LUZP2: variants seen among roughly 807,000 people sequenced by gnomAD.
LUZP2 encodes the protein leucine zipper protein 2.
Under a neutral mutation model 51.6 loss-of-function variants are expected in LUZP2, and 52 were observed. The observed-to-expected ratio is 1.01, with a 90% confidence interval of 0.81 to 1.27. LUZP2 has a LOEUF of 1.27. Ranked by LOEUF, LUZP2 falls within the 50% of genes most tolerant of loss-of-function variation. LUZP2 has a pLI of 0.00. For synonymous variants in LUZP2, 154 were observed against 137.3 expected (o/e 1.12, Z -0.85); for missense variants, 436 against 395.4 (o/e 1.10, Z -0.87).
chr11:24,926,421 ATGTGTGTATATATATACGTGTATATATG>A (rs1565119773), intron 7 of LUZP2, among the ~76,000 whole-genome samples: 27 of 135,250 alleles, frequency 2.0e-4, no homozygotes, highest in African/African-American at 6.6e-4. Context: ...GTGTATATAT[ATGTGTGTATATATATACGTGTATATATG>A]TGTGTGTATA....
At chr11:24,801,277 T>C (rs1317212962) in intron 5 of LUZP2, among the ~76,000 whole-genome samples, 1 of 152,088 alleles carries the variant, frequency 6.6e-6, no homozygotes, top group Non-Finnish European at 1.5e-5. Context: ...GGAATCGATC[T>C]GCCTGCCTCT....
chr11:24,831,066 T>C (rs994584283), intron 5 of LUZP2, among the ~76,000 whole-genome samples: 4 of 151,896 alleles, frequency 2.6e-5, no homozygotes, highest in African/African-American at 9.7e-5. Context: ...AACTCAAGAG[T>C]TCTGTTTCCA....
chr11:24,920,609 A>G (rs1310607140), intron 7 of LUZP2, among the ~76,000 whole-genome samples: 1 of 152,124 alleles, frequency 6.6e-6, no homozygotes, highest in African/African-American at 2.4e-5. Context: ...TCAACTATAA[A>G]AAATAAAATC....
At chr11:24,983,787 G>T (rs773382582) in intron 9 of LUZP2, among the ~76,000 whole-genome samples, 1 of 144,538 alleles carries the variant, frequency 6.9e-6, no homozygotes, top group Non-Finnish European at 1.5e-5. Flanking sequence ...TTACTCCTGG[G>T]GTTTTTTTTC....
At chr11:24,685,380 C>G (rs559074060) in intron 1 of LUZP2, among the ~76,000 whole-genome samples, 21 of 152,210 alleles carry the variant, frequency 1.4e-4, no homozygotes, top group African/African-American at 5.1e-4. Context: ...CTTGCACCTG[C>G]CTAATTACTA....
intron 9 of LUZP2, among the ~76,000 whole-genome samples, chr11:25,001,086 G>T (rs541604377): frequency 6.6e-6 from 1 of 152,232 alleles, no homozygotes; most frequent in South Asian, 2.1e-4. Context: ...TTAGAAGTTA[G>T]GATAATATAT....
At chr11:24,602,168 G>A (rs866399148) in intron 1 of LUZP2, among the ~76,000 whole-genome samples, 920 of 77,338 alleles carry the variant, frequency 0.012, 26 homozygotes, top group African/African-American at 0.014. Context: ...GTATATATGT[G>A]TATATATATG....
intron 5 of LUZP2, among the ~76,000 whole-genome samples, chr11:24,820,601 T>A (rs1156714347): frequency 6.6e-6 from 1 of 152,072 alleles, no homozygotes; most frequent in South Asian, 2.1e-4. Flanking sequence ...TGTAGATAAC[T>A]GACAGTAGGA....
intron 1 of LUZP2, among the ~76,000 whole-genome samples, chr11:24,517,289 TC>T (rs1181075644): frequency 3.3e-5 from 5 of 151,616 alleles, no homozygotes; most frequent in Admixed American, 1.3e-4. Context: ...ATCGAGACCA[TC>T]CTGGCTAACA....
chr11:24,897,647 C>T (rs573761982), intron 5 of LUZP2, among the ~76,000 whole-genome samples: 4 of 152,308 alleles, frequency 2.6e-5, no homozygotes, highest in African/African-American at 4.8e-5. Flanking sequence ...ACTCTGGACA[C>T]ACATATTTAA....
chr11:24,717,320 T>C (rs917933817), intron 1 of LUZP2, among the ~76,000 whole-genome samples: 1 of 152,074 alleles, frequency 6.6e-6, no homozygotes, highest in Non-Finnish European at 1.5e-5. Context: ...GGTTCAGCAG[T>C]ACATGTGGAG....
At position 25,073,267 on chromosome 11, in the gene LUZP2, C is replaced by T. The variant is rs1271727931; in HGVS notation, c.859-4062C>T. ...CTATGGTGCCTAGACAGCTGTAGTTCAGGCCCACTCAGGCTTCTTATGACC... is the reference window on the plus strand; with the variant it reads ...CTATGGTGCCTAGACAGCTGTAGTTTAGGCCCACTCAGGCTTCTTATGACC... On this transcript the variant is annotated intron_variant, in intron 10 of 11. Coordinates refer to ENST00000336930, the MANE Select transcript of LUZP2 (RefSeq NM_001009909.4). 2.0e-5 allele frequency among the ~76,000 whole-genome samples: 3 copies of T among 152,124 alleles called. No homozygotes were observed. In the East Asian group the frequency reaches 5.8e-4, roughly 29 times the overall value.
intron 1 of LUZP2, among the ~76,000 whole-genome samples, chr11:24,540,615 T>C (rs1851327706): frequency 6.6e-6 from 1 of 152,114 alleles, no homozygotes; most frequent in Admixed American, 6.6e-5. Context: ...CAGTGTGTGG[T>C]ATTTTATTAT....
At chr11:25,018,875 T>C (rs1381393432) in intron 9 of LUZP2, among the ~76,000 whole-genome samples, 1 of 152,210 alleles carries the variant, frequency 6.6e-6, no homozygotes, top group African/African-American at 2.4e-5. Flanking sequence ...CCCATAGTGC[T>C]GGGATTACAG....
chr11:24,847,263 AT>A (rs1564982759), intron 5 of LUZP2, among the ~76,000 whole-genome samples: 2 of 144,162 alleles, frequency 1.4e-5, no homozygotes. Flanking sequence ...ATATATATAT[AT>A]TTTTTTCCTT....
intron 5 of LUZP2, among the ~76,000 whole-genome samples, chr11:24,828,646 A>G (rs1367904862): frequency 6.6e-6 from 1 of 151,914 alleles, no homozygotes; most frequent in Admixed American, 6.6e-5. Flanking sequence ...GATGTGTCAT[A>G]ACCTGCGTGA....
chr11:24,904,579 G>A (rs1590711997), intron 5 of LUZP2, among the ~76,000 whole-genome samples: 2 of 152,212 alleles, frequency 1.3e-5, no homozygotes, highest in South Asian at 2.1e-4. Flanking sequence ...CACCACGCCC[G>A]ACCTATTTTG....
chr11:24,573,271 G>A (rs11028029), intron 1 of LUZP2, among the ~76,000 whole-genome samples: 26,242 of 151,874 alleles, frequency 0.17, 2,728 homozygotes, highest in Middle Eastern at 0.35. Flanking sequence ...ATGCTTCTTC[G>A]TGGTTCTTAC....
In LUZP2 at chr11:24,777,413, A is replaced by G. The variant is rs1422492706; in HGVS notation, c.396+14105A>G. 2.6e-5 allele frequency among the ~76,000 whole-genome samples: 4 copies of G among 152,302 alleles called. No individual in the cohort carries two copies. In the East Asian group the frequency reaches 5.8e-4, roughly 22 times the overall value. ...GGATCCATTTAAACAAGTTGGAAAAATAGAAAGAATGCTGCTTTCATGATG... is the reference window on the plus strand; with the variant it reads ...GGATCCATTTAAACAAGTTGGAAAAGTAGAAAGAATGCTGCTTTCATGATG... On this transcript the variant is annotated intron_variant, in intron 5 of 11. Transcript: ENST00000336930.
Sources: gnomAD v4.1 joint callset for allele counts (sites outside exome capture counted in the v4.1 genomes callset) on GRCh38, gnomAD v4.1.1 for gene constraint, MANE v1.5 for transcripts, NCBI Gene and HGNC (gene_info 2026-07-23, HGNC 2026-07-21) for gene names.